MYH10: variants seen among roughly 807,000 people sequenced by gnomAD.
MYH10 encodes the protein myosin-10.
In MYH10, 55 loss-of-function variants were observed where a neutral mutation model predicts 257.8. The ratio of observed to expected loss-of-function variants is 0.21; its 90% CI spans 0.17 to 0.27. The LOEUF (loss-of-function observed/expected upper bound fraction) is 0.27. MYH10 is among the 10% of genes least tolerant of loss of function. The probability of loss-of-function intolerance (pLI) is 1.00; values close to 1 mark genes in which losing one functional copy is unlikely to be tolerated. For synonymous variants in MYH10, 854 were observed against 921.7 expected, an observed-to-expected ratio of 0.93 and a Z score of 1.33; for missense variants, 1,631 against 2,500.6, an observed-to-expected ratio of 0.65 and a Z score of 7.42.
intron 31 of MYH10, among the ~76,000 whole-genome samples, 189 bp from the exon 32 acceptor site, chr17:8,494,074 G>A (rs998425051): frequency 6.6e-6 from 1 of 152,172 alleles, no homozygotes; most frequent in Non-Finnish European, 1.5e-5. Context: ...CACCAACACT[G>A]CTTCAGACTC....
At chr17:8,500,535 A>C (rs968926021) in intron 29 of MYH10, among the ~76,000 whole-genome samples, 2 of 152,192 alleles carry the variant, frequency 1.3e-5, no homozygotes, top group Admixed American at 6.5e-5. Flanking sequence ...CGGGGTTTTG[A>C]GTGAAGCCAC....
rs1479670406 is a variant in MYH10 at position 8,504,017 on chromosome 17, C to T, written c.3599+677G>A. ...CCTATGAGTCCGTGGGAGCCGCAGGCCAGCACCTCCAGGCCTGCGTACCGG... is the reference window on the plus strand; with the variant it reads ...CCTATGAGTCCGTGGGAGCCGCAGGTCAGCACCTCCAGGCCTGCGTACCGG... On this transcript the variant is annotated intron_variant, in intron 28 of 42. Coordinates refer to ENST00000360416, the MANE Select transcript of MYH10 (RefSeq NM_001256012.3). This position sits in a 1 kb window ranked among gnomAD's most constrained non-coding sequence, Gnocchi z 5.6. Among the ~76,000 whole-genome samples, 1 of 152,192 alleles carries T rather than the reference C, an allele frequency of 6.6e-6. No individual in the cohort carries two copies. The highest frequency in any genetic ancestry group is 6.5e-5 in the Admixed American group (1 of 15,286).
intron 29 of MYH10, 130 bp from the exon 30 acceptor site, chr17:8,499,606 G>C: frequency 1.3e-6 from 1 of 783,528 alleles, no homozygotes; most frequent in Admixed American, 2.5e-5. Flanking sequence ...TTGAATGAAT[G>C]AATGAAAATG....
In MYH10 at chr17:8,547,175, G is replaced by A. The variant is rs142803141; in HGVS notation, c.1160-513C>T. 9.2e-5 allele frequency among the ~76,000 whole-genome samples: 14 copies of A among 152,222 alleles called. No individual in the cohort carries two copies. In the South Asian group the frequency reaches 2.1e-3, roughly 23 times the overall value. ...AGCCATCCTCCTGCTTCAGCCTCCCGAGTAGCTGGGACTACATGGCCACTA... is the reference window on the plus strand; with the variant it reads ...AGCCATCCTCCTGCTTCAGCCTCCCAAGTAGCTGGGACTACATGGCCACTA... On this transcript the variant is annotated intron_variant, in intron 11 of 42. Coordinates refer to ENST00000360416, the MANE Select transcript of MYH10 (RefSeq NM_001256012.3).
In MYH10 at chr17:8,506,696, G is replaced by A. The variant is rs1269182887; in HGVS notation, c.3215-207C>T. 6.6e-6 allele frequency among the ~76,000 whole-genome samples: 1 copy of A among 151,962 alleles called. No individual in the cohort carries two copies. The highest frequency in any genetic ancestry group is 1.5e-5 in the Non-Finnish European group (1 of 67,996). On this transcript the variant is annotated intron_variant, in intron 26 of 42. Coordinates refer to ENST00000360416, the MANE Select transcript of MYH10 (RefSeq NM_001256012.3). This position sits in a 1 kb window ranked among gnomAD's most constrained non-coding sequence, Gnocchi z 5.0. ...GAGGGGAGATAAATTAGTGTGGGGA[G>A]GGAATTTTAAGGAAGAAGTTGAGTG...
In MYH10 at chr17:8,552,367, G is replaced by C. The variant is rs1219751332; in HGVS notation, c.821-223C>G. 6.6e-6 allele frequency among the ~76,000 whole-genome samples: 1 copy of C among 152,090 alleles called. No individual in the cohort carries two copies. The highest frequency in any genetic ancestry group is 6.5e-5 in the Admixed American group (1 of 15,274). On this transcript the variant is annotated intron_variant, in intron 8 of 42. Coordinates refer to ENST00000360416, the MANE Select transcript of MYH10 (RefSeq NM_001256012.3). This position sits in a 1 kb window ranked among gnomAD's most constrained non-coding sequence, Gnocchi z 4.8. ...CTGATCTTCCAGAATCATTGGTCTG[G>C]GAAGGAACTTAAAGATTATACGTGC...
chr17:8,615,115 G>A (rs2085204583), intron 2 of MYH10, among the ~76,000 whole-genome samples: 1 of 152,074 alleles, frequency 6.6e-6, no homozygotes, highest in South Asian at 2.1e-4. Flanking sequence ...CCAACATGGT[G>A]AAATCCCATC....
chr17:8,477,378 T>C lies in MYH10; in HGVS notation c.5707-330A>G, dbSNP rs112923127. ...GGGGACTGAAAGGGAATTGCTATTC[T>C]TGCAAAACGTGGAAGAACCAGCAAT... On this transcript the variant is annotated intron_variant, in intron 41 of 42. Transcript: ENST00000360416. The surrounding 1 kb of genome is among the most constrained non-coding windows in gnomAD (Gnocchi z 4.2). Among the ~76,000 whole-genome samples the C allele has an allele frequency of 9.5e-4, 145 of 152,284 alleles. No individual in the cohort carries two copies. Among genetic ancestry groups the C allele is most frequent in the African/African-American group, 3.1e-3 (128 of 41,550 alleles).
At chr17:8,563,345 G>A (rs1230782708) in intron 7 of MYH10, among the ~76,000 whole-genome samples, 1 of 152,190 alleles carries the variant, frequency 6.6e-6, no homozygotes, top group Non-Finnish European at 1.5e-5. Flanking sequence ...GGTAACATGA[G>A]TGGCATTAAG....
chr17:8,540,398 T>TA (rs576389787), intron 14 of MYH10, among the ~76,000 whole-genome samples: 35 of 147,996 alleles, frequency 2.4e-4, no homozygotes, highest in South Asian at 6.4e-4. Context: ...TGTGTGAGAG[T>TA]AAAAAAAAAA....
intron 30 of MYH10, among the ~76,000 whole-genome samples, chr17:8,498,704 C>T (rs577533351): frequency 5.3e-5 from 8 of 152,020 alleles, no homozygotes; most frequent in African/African-American, 1.4e-4. Context: ...AAAAATTAGC[C>T]GGACATGGTG....
intron 17 of MYH10, among the ~76,000 whole-genome samples, chr17:8,523,867 C>A (rs997815064): frequency 1.3e-5 from 2 of 152,134 alleles, no homozygotes; most frequent in African/African-American, 4.8e-5. Context: ...AGGGTTCTGG[C>A]TTGAGCAACC....
At chr17:8,547,611 C>A (rs925048049) in intron 11 of MYH10, among the ~76,000 whole-genome samples, 4 of 151,616 alleles carry the variant, frequency 2.6e-5, no homozygotes, top group Non-Finnish European at 5.9e-5. Flanking sequence ...CAGTGGACTG[C>A]GGATGCCTCC....
chr17:8,542,146 C>T lies in MYH10; in HGVS notation c.1566G>A (p.Gly522=). The change falls in exon 14 of 43, where the codon GGG becomes GGA. Residue 522 remains glycine, a synonymous_variant. Coordinates refer to ENST00000360416, the MANE Select transcript of MYH10 (RefSeq NM_001256012.3). ...EGIEWNFIDF[G]LDLQPCIDLI... Reference sequence around the variant, plus strand: ...GGTCGATGCATGGCTGCAGATCCAGCCCGAAATCGATGAAGTTCCACTCGA... The same window carrying T: ...GGTCGATGCATGGCTGCAGATCCAGTCCGAAATCGATGAAGTTCCACTCGA... 1 of 1,614,084 alleles carries T rather than the reference C, an allele frequency of 6.2e-7. No individual in the cohort carries two copies. Among genetic ancestry groups the T allele is most frequent in the Non-Finnish European group, 8.5e-7 (1 of 1,180,000 alleles).
chr17:8,584,182 G>A (rs1407663794), intron 4 of MYH10, among the ~76,000 whole-genome samples: 1 of 152,212 alleles, frequency 6.6e-6, no homozygotes, highest in Non-Finnish European at 1.5e-5. Context: ...CGGCTTGCAA[G>A]TGGGAGCTCA....
At chr17:8,543,873 T>C (rs1200458653) in intron 13 of MYH10, among the ~76,000 whole-genome samples, 1 of 152,254 alleles carries the variant, frequency 6.6e-6, no homozygotes, top group African/African-American at 2.4e-5. Context: ...TGGTAGAAAA[T>C]TCAAAGTGTA....
intron 2 of MYH10, among the ~76,000 whole-genome samples, chr17:8,609,305 C>A (rs1174429434): frequency 1.3e-5 from 2 of 151,904 alleles, no homozygotes; most frequent in African/African-American, 4.8e-5. Context: ...TCATGTAACC[C>A]TACATCCCAA....
At chr17:8,601,431 A>AGCG (rs1295289469) in intron 3 of MYH10, among the ~76,000 whole-genome samples, 2 of 152,236 alleles carry the variant, frequency 1.3e-5, no homozygotes, top group African/African-American at 2.4e-5. Flanking sequence ...TGCAAGATGA[A>AGCG]GCGTATCTCC....
intron 17 of MYH10, 79 bp from the exon 18 acceptor site, chr17:8,521,364 C>T: frequency 7.0e-7 from 1 of 1,437,744 alleles, no homozygotes; most frequent in Non-Finnish European, 9.7e-7. Context: ...AGTGAAAGTG[C>T]AGCAGCACAA....
Sources: allele counts gnomAD v4.1 joint callset (sites outside exome capture counted in the v4.1 genomes callset), GRCh38; gene constraint gnomAD v4.1.1; non-coding constraint Gnocchi (gnomAD v3.1); transcripts MANE v1.5; gene names NCBI Gene and HGNC (gene_info 2026-07-23, HGNC 2026-07-21).